The following ATP2C2 variants were observed in gnomAD, a reference collection of about 807,000 sequenced individuals.
The protein encoded by ATP2C2 is calcium-transporting ATPase type 2C member 2.
A neutral mutation model predicts 110.8 loss-of-function variants in ATP2C2; 171 were observed. The ratio of observed to expected loss-of-function variants is 1.54; its 90% CI spans 1.36 to 1.75. The LOEUF is 1.75. ATP2C2 is among the 40% of genes most tolerant of loss of function. The pLI is 0.00. For missense variants in ATP2C2, 1,963 were observed against 1,235.0 expected (o/e 1.59, Z -8.84); for synonymous variants, 804 against 508.4 (o/e 1.58, Z -7.82).
Position 84,410,740 on chromosome 16 carries a change from A to G in ATP2C2, c.490A>G (p.Lys164Glu). The G allele has an allele frequency of 6.2e-7, 1 of 1,614,180 alleles. No homozygotes were observed. The highest frequency in any genetic ancestry group is 8.5e-7 in the Non-Finnish European group (1 of 1,180,020). The part of the protein sequence containing the change: ...RSEKSLEELT[K>E]LVPPECNCLR... ...GGAGAAATCTCTGGAAGAGCTGACC[A>G]AGCTGGTTCCTCCAGAATGTAACTG... is the stretch of plus-strand genomic sequence containing the variant. Residue 164 changes from lysine (K) to glutamate (E), a missense_variant, in exon 6 of 27, where the codon AAG (lysine) becomes GAG (glutamate). By Grantham distance (56) the Lys-to-Glu change is moderately conservative (BLOSUM62 1). Transcript: ENST00000262429.
intron 11 of ATP2C2, among the ~76,000 whole-genome samples, chr16:84,436,057 G>A (rs1319350493): frequency 1.3e-5 from 2 of 150,606 alleles, no homozygotes; most frequent in Non-Finnish European, 3.0e-5. Flanking sequence ...TGAAGCTGGG[G>A]GGTGGATGTT....
chr16:84,403,852 G>T (rs1425521105), intron 2 of ATP2C2, among the ~76,000 whole-genome samples: 1 of 152,104 alleles, frequency 6.6e-6, no homozygotes, highest in Non-Finnish European at 1.5e-5. Context: ...CACCACGCCC[G>T]GCTAATTCTT....
chr16:84,462,096 A>C lies in ATP2C2; in HGVS notation c.2689A>C (p.Arg897=). Residue 897 remains arginine (R), a synonymous_variant, in exon 26 of 27, where the codon AGG becomes CGG. Coordinates refer to ENST00000262429, the MANE Select transcript of ATP2C2 (RefSeq NM_014861.4). ...GGTCATTTACATCCCCCCGCTGCAG[A>C]GGGTCTTCCAGACGGAGAACCTGGG... ...LAVIYIPPLQ[R]VFQTENLGAL... 1 of 1,613,904 alleles carries C rather than the reference A, an allele frequency of 6.2e-7. No homozygotes were observed. Among genetic ancestry groups the C allele is most frequent in the South Asian group, 1.1e-5 (1 of 91,056 alleles).
At chr16:84,441,223 A>G (rs960183784) in intron 14 of ATP2C2, among the ~76,000 whole-genome samples, 1 of 152,200 alleles carries the variant, frequency 6.6e-6, no homozygotes, top group African/African-American at 2.4e-5. Flanking sequence ...ACTTGAGGCC[A>G]GGAGTTCGAG....
At chr16:84,397,206 C>A (rs1379163024) in intron 1 of ATP2C2, among the ~76,000 whole-genome samples, 1 of 151,780 alleles carries the variant, frequency 6.6e-6, no homozygotes, top group African/African-American at 2.4e-5. Context: ...CCAGGTGTTT[C>A]ACGTGGCTTC....
chr16:84,443,804 G>A lies in ATP2C2; in HGVS notation c.1401+1205G>A, dbSNP rs541532643. On this transcript the variant is annotated intron_variant, in intron 15 of 26. Transcript: ENST00000262429. ...TGCCTTCCCAAAGCTGGTGCTGGGC[G>A]GGGGAGAGGTGGTCGCCCTCTCATA... Among the ~76,000 whole-genome samples the A allele has an allele frequency of 7.9e-5, 12 of 152,256 alleles. No individual in the cohort carries two copies. In the East Asian group the frequency reaches 1.2e-3, roughly 15 times the overall value.
In ATP2C2 at chr16:84,459,362, T is replaced by C; in HGVS notation, c.2309T>C (p.Ile770Thr). The C allele has an allele frequency of 6.2e-7, 1 of 1,614,188 alleles. No homozygotes were observed. The highest frequency in any genetic ancestry group is 8.5e-7 in the Non-Finnish European group (1 of 1,180,022). Residue 770 changes from isoleucine (I) to threonine (T), a missense_variant, in exon 23 of 27, where the codon ATC (isoleucine) becomes ACC (threonine). Ile to Thr is a moderately conservative substitution (Grantham distance 89). Transcript: ENST00000262429. ...ATGCAGATCCTATGGATCAACATCA[T>C]CATGGATGGGCCACCGGCGCAGAGG... ...NAMQILWINI[I>T]MDGPPAQSLG...
chr16:84,436,201 A>C (rs1484326910), intron 11 of ATP2C2, among the ~76,000 whole-genome samples: 1 of 152,164 alleles, frequency 6.6e-6, no homozygotes, highest in African/African-American at 2.4e-5. Flanking sequence ...TTTTCATTGG[A>C]ATTTGTTGCC....
At chr16:84,397,529 G>C (rs897435487) in intron 1 of ATP2C2, among the ~76,000 whole-genome samples, 2 of 151,240 alleles carry the variant, frequency 1.3e-5, no homozygotes, top group Non-Finnish European at 2.9e-5. Context: ...TAAAAAATTA[G>C]CCAGGCACAA....
chr16:84,451,818 A>C, intron 17 of ATP2C2, 103 bp from the exon 18 acceptor site: 1 of 1,236,830 alleles, frequency 8.1e-7, no homozygotes, highest in Non-Finnish European at 1.1e-6. Context: ...AACCTGGGCG[A>C]TAAGAACAAA....
chr16:84,448,686 C>T lies in ATP2C2; in HGVS notation c.1657C>T (p.Arg553Trp), dbSNP rs373029761. The change falls in exon 17 of 27, where the codon CGG becomes TGG. Residue 553 changes from arginine to tryptophan, a missense_variant. Transcript: ENST00000262429. ...EEKRMGSLGL[R>W]VLALASGPEL... ...GAAGAGGATGGGGTCGCTCGGTTTG[C>T]GGGGTCAGTGCCTGTGGTCCCGGCC... The T allele has an allele frequency of 3.7e-6, 6 of 1,610,628 alleles. No individual in the cohort carries two copies. The highest frequency in any genetic ancestry group is 3.4e-5 in the Admixed American group (2 of 59,552).
intron 7 of ATP2C2, among the ~76,000 whole-genome samples, chr16:84,418,775 C>T (rs879452563): frequency 6.6e-6 from 1 of 152,178 alleles, no homozygotes; most frequent in Non-Finnish European, 1.5e-5. Context: ...TGCCTCTCCC[C>T]CTGAGTTTCC....
chr16:84,434,157 C>G (rs534389192), intron 11 of ATP2C2, among the ~76,000 whole-genome samples: 2 of 152,134 alleles, frequency 1.3e-5, no homozygotes, highest in South Asian at 4.2e-4. Context: ...GTGGCTCATG[C>G]CTGTAACCCC....
intron 8 of ATP2C2, 40 bp downstream of exon 8, chr16:84,422,579 C>T (rs762610988): frequency 6.2e-7 from 1 of 1,611,484 alleles, no homozygotes; most frequent in African/African-American, 1.3e-5. Context: ...TCCCGTAACC[C>T]ACAGGCTCCC....
At chr16:84,438,996 G>A (rs188948554) in intron 11 of ATP2C2, 170 bp from the exon 12 acceptor site, 30 of 953,212 alleles carry the variant, frequency 3.1e-5, no homozygotes, top group Non-Finnish European at 4.3e-5. Context: ...CAGGACAGTG[G>A]GTGCTGCAGA....
chr16:84,423,066 CAT>C lies in ATP2C2; in HGVS notation c.844-119_844-118del, dbSNP rs139304279. 1.2e-3 allele frequency: 918 copies of C among 769,276 alleles called. 6 individuals carry two copies. Among genetic ancestry groups the C allele is most frequent in the East Asian group, 7.5e-3 (298 of 39,652 alleles). 47.7% of individuals were successfully genotyped at this position (769,276 alleles called of 1,614,324 possible). A position where few individuals can be genotyped will look rare whatever the true frequency, so the allele number is the denominator to read the frequency against. On this transcript the variant is annotated intron_variant, in intron 9 of 26. Transcript: ENST00000262429. ...CAGTGCAAAAGTCAATGAATGTTGACATATGTGTACCCCTGTGTAATCATCAC... is the reference window on the plus strand; with the variant it reads ...CAGTGCAAAAGTCAATGAATGTTGACATGTGTACCCCTGTGTAATCATCAC...
At chr16:84,413,278 G>A (rs1334390774) in intron 6 of ATP2C2, among the ~76,000 whole-genome samples, 1 of 152,128 alleles carries the variant, frequency 6.6e-6, no homozygotes, top group Non-Finnish European at 1.5e-5. Context: ...GTGCAACTGA[G>A]CCATGGGGCT....
rs186856674 is a variant in ATP2C2 at position 84,432,803 on chromosome 16, G to C, written c.987-6363G>C. 3.9e-5 allele frequency among the ~76,000 whole-genome samples: 6 copies of C among 152,236 alleles called. No individual in the cohort carries two copies. In the East Asian group the frequency reaches 7.7e-4, roughly 20 times the overall value. On this transcript the variant is annotated intron_variant, in intron 11 of 26. Coordinates refer to ENST00000262429, the MANE Select transcript of ATP2C2 (RefSeq NM_014861.4). ...TCCAAAGTGCTGGGATTACAGGTGT[G>C]AGCCACTGCGCCTGGCTGAGACTCA...
At chr16:84,424,071 G>T (rs376777442) in intron 10 of ATP2C2, among the ~76,000 whole-genome samples, 1 of 152,114 alleles carries the variant, frequency 6.6e-6, no homozygotes, top group African/African-American at 2.4e-5. Flanking sequence ...GTAAATATTT[G>T]TTGAGTAAAA....
Sources: gnomAD v4.1 joint callset for allele counts (sites outside exome capture counted in the v4.1 genomes callset) on GRCh38, gnomAD v4.1.1 for gene constraint, MANE v1.5 for transcripts, NCBI Gene and HGNC (gene_info 2026-07-23, HGNC 2026-07-21) for gene names.